TYW1: variants seen among roughly 807,000 people sequenced by gnomAD.
TYW1 encodes tRNA-yW synthesizing protein 1 homolog.
In TYW1, 46 loss-of-function variants were observed where a neutral mutation model predicts 96.2. That is an observed-to-expected ratio of 0.48 (90% CI 0.38 to 0.61). The LOEUF (loss-of-function observed/expected upper bound fraction) is 0.61, where lower values mean the gene tolerates loss of function less well. Among genes scored for constraint, TYW1 ranks in the 20% least tolerant of loss-of-function variants. TYW1 has a pLI of 0.00. For synonymous variants in TYW1, 274 were observed against 323.0 expected (o/e 0.85, Z 1.63); for missense variants, 684 against 909.6 (o/e 0.75, Z 3.19).
At position 67,098,653 on chromosome 7, in the gene TYW1, G is replaced by A. The variant is rs1796994213; in HGVS notation, c.1497G>A (p.Lys499=). The A allele has an allele frequency of 3.1e-6, 5 of 1,614,058 alleles. No individual in the cohort carries two copies. The highest frequency in any genetic ancestry group is 4.2e-6 in the Non-Finnish European group (5 of 1,179,990). ...IMYPEINRFL[K]LLHQCKISSF... ...ACCCAGAGATCAACAGGTTTTTGAA[G>A]CTACTCCACCAGTGTAAAATTTCCA... is the stretch of plus-strand genomic sequence containing the variant. Residue 499 remains lysine (K), a synonymous_variant, in exon 12 of 16, where the codon AAG becomes AAA. Coordinates refer to ENST00000359626, the MANE Select transcript of TYW1 (RefSeq NM_018264.4).
At chr7:67,072,887 C>T (rs1040482157) in intron 10 of TYW1, among the ~76,000 whole-genome samples, 2 of 150,400 alleles carry the variant, frequency 1.3e-5, no homozygotes, top group African/African-American at 4.9e-5. Context: ...CCTGTCTCAG[C>T]CACTTGAGTA....
intron 13 of TYW1, among the ~76,000 whole-genome samples, chr7:67,131,750 A>G (rs1798079961): frequency 6.6e-6 from 1 of 152,230 alleles, no homozygotes; most frequent in South Asian, 2.1e-4. Context: ...CCTCAGAAGT[A>G]GGGAAGCTGA....
chr7:67,237,344 C>CA, intron 15 of TYW1, among the ~76,000 whole-genome samples: 1 of 149,874 alleles, frequency 6.7e-6, no homozygotes, highest in East Asian at 2.0e-4. Context: ...ACTAAAAATA[C>CA]AAAAAATTAG....
rs1801814453 is a variant in TYW1 at position 67,234,090 on chromosome 7, T to C, written c.1978-4218T>C. Among the ~76,000 whole-genome samples the C allele has an allele frequency of 3.7e-5, 5 of 135,528 alleles. 2 individuals are homozygous for C. In the Admixed American group the frequency reaches 3.7e-4, roughly 10 times the overall value. 88.9% of individuals were successfully genotyped at this position (135,528 alleles called of 152,430 possible). A position where few individuals can be genotyped will look rare whatever the true frequency, so the allele number is the denominator to read the frequency against. Reference sequence around the variant, plus strand: ...GGCTGGGTGCGGTGGCTCATGCCTATGATCCTAGCATTTTGGGAGATCAAG... The same window carrying C: ...GGCTGGGTGCGGTGGCTCATGCCTACGATCCTAGCATTTTGGGAGATCAAG... On this transcript the variant is annotated intron_variant, in intron 15 of 15. Transcript: ENST00000359626.
intron 13 of TYW1, among the ~76,000 whole-genome samples, chr7:67,167,911 C>A (rs529738638): frequency 5.7e-4 from 86 of 151,866 alleles, no homozygotes; most frequent in African/African-American, 2.0e-3. Flanking sequence ...CCCACCACCA[C>A]GCCCAGATCA....
chr7:67,122,454 T>C (rs1177148914), intron 13 of TYW1, among the ~76,000 whole-genome samples: 2 of 152,206 alleles, frequency 1.3e-5, no homozygotes, highest in African/African-American at 4.8e-5. Flanking sequence ...TATAAAAATA[T>C]TATGTGCTGC....
intron 6 of TYW1, among the ~76,000 whole-genome samples, chr7:67,019,600 T>C (rs1431841358): frequency 6.6e-6 from 1 of 152,254 alleles, no homozygotes; most frequent in Non-Finnish European, 1.5e-5. Context: ...AGCGCTGGGA[T>C]TGGGATTACA....
intron 11 of TYW1, chr7:67,089,118 C>G (rs1796635987): frequency 2.4e-6 from 1 of 420,690 alleles, no homozygotes; most frequent in Admixed American, 4.3e-5. Context: ...CAAATAGCCC[C>G]AGGGACAGGG....
intron 15 of TYW1, among the ~76,000 whole-genome samples, chr7:67,213,573 T>C (rs1325079624): frequency 2.0e-5 from 3 of 152,234 alleles, no homozygotes; most frequent in Admixed American, 2.0e-4. Flanking sequence ...TCATGGATCC[T>C]ACTTTTGATG....
rs1384340653 is a variant in TYW1 at position 67,239,167 on chromosome 7, A to G, written c.*638A>G. 1 of 985,776 alleles carries G rather than the reference A, an allele frequency of 1.0e-6. No individual in the cohort carries two copies. The highest frequency in any genetic ancestry group is 1.2e-6 in the Non-Finnish European group (1 of 830,254). 61.1% of individuals were successfully genotyped at this position (985,776 alleles called of 1,614,324 possible). Reference sequence around the variant, plus strand: ...TCATCCCATTCCCATGTAAATTACCACAGACCGCAGTACCGGGGCTGGAGC... The same window carrying G: ...TCATCCCATTCCCATGTAAATTACCGCAGACCGCAGTACCGGGGCTGGAGC... On this transcript the variant is annotated 3_prime_UTR_variant, in exon 16 of 16. Transcript: ENST00000359626.
intron 11 of TYW1, among the ~76,000 whole-genome samples, chr7:67,085,344 G>A (rs113087671): frequency 0.016 from 2,418 of 152,246 alleles, 29 homozygotes; most frequent in Non-Finnish European, 0.023. Context: ...CCCCCATGGT[G>A]TTCTCATGAT....
chr7:67,072,579 T>C (rs927897909), intron 10 of TYW1, among the ~76,000 whole-genome samples: 1 of 152,052 alleles, frequency 6.6e-6, no homozygotes, highest in African/African-American at 2.4e-5. Flanking sequence ...ATTCTTATTA[T>C]AGATTTTTTT....
intron 7 of TYW1, among the ~76,000 whole-genome samples, chr7:67,037,620 G>A (rs536627930): frequency 6.6e-6 from 1 of 151,844 alleles, no homozygotes; most frequent in East Asian, 1.9e-4. Context: ...TGTACACTGT[G>A]TTTCATCTAT....
chr7:67,230,017 TGTTA>T (rs1801697515), intron 15 of TYW1, among the ~76,000 whole-genome samples: 1 of 152,158 alleles, frequency 6.6e-6, no homozygotes, highest in African/African-American at 2.4e-5. Context: ...AAGACATGAC[TGTTA>T]GTTCTGTCAT....
chr7:67,140,618 A>T (rs1677064809), intron 13 of TYW1, among the ~76,000 whole-genome samples: 1 of 84,254 alleles, frequency 1.2e-5, no homozygotes, highest in African/African-American at 6.3e-5. Context: ...TAGATAAAAA[A>T]TTAGTGAAGA....
At chr7:67,040,665 C>T (rs941575418) in intron 7 of TYW1, among the ~76,000 whole-genome samples, 1 of 151,798 alleles carries the variant, frequency 6.6e-6, no homozygotes, top group Non-Finnish European at 1.5e-5. Flanking sequence ...GGCAACATGA[C>T]GAAACCCTAT....
At chr7:67,181,942 C>T (rs1403168153) in intron 13 of TYW1, among the ~76,000 whole-genome samples, 1 of 152,160 alleles carries the variant, frequency 6.6e-6, no homozygotes, top group African/African-American at 2.4e-5. Flanking sequence ...GATTCTCCTG[C>T]CTCAGCCTCC....
intron 12 of TYW1, among the ~76,000 whole-genome samples, chr7:67,098,955 A>T (rs1165715071): frequency 4.7e-5 from 7 of 150,420 alleles, no homozygotes; most frequent in Non-Finnish European, 8.9e-5. Context: ...AAGAGAATGA[A>T]TTTTTTTTTT....
chr7:67,055,739 C>CAAAA, intron 8 of TYW1, 96 bp from the exon 9 acceptor site: 6 of 840,268 alleles, frequency 7.1e-6, no homozygotes, highest in Non-Finnish European at 7.0e-6. Context: ...AATAATTTAG[C>CAAAA]AAAAAAAAAA....
Sources: gnomAD v4.1 joint callset for allele counts (sites outside exome capture counted in the v4.1 genomes callset) on GRCh38, gnomAD v4.1.1 for gene constraint, MANE v1.5 for transcripts, NCBI Gene and HGNC (gene_info 2026-07-23, HGNC 2026-07-21) for gene names.